The following ENAH variants were observed in gnomAD, a reference collection of about 807,000 sequenced individuals.
ENAH encodes the protein protein enabled homolog.
A neutral mutation model predicts 78.7 loss-of-function variants in ENAH; 23 were observed. The observed-to-expected ratio is 0.29, with a 90% CI of 0.21 to 0.41. ENAH has a LOEUF of 0.41. ENAH is among the 10% of genes least tolerant of loss of function. The pLI is 1.00. For synonymous variants in ENAH, 226 were observed against 241.0 expected (o/e 0.94, Z 0.58); for missense variants, 544 against 691.0 (o/e 0.79, Z 2.39).
At chr1:225,620,295 C>G (rs1371867166) in intron 1 of ENAH, among the ~76,000 whole-genome samples, 1 of 150,734 alleles carries the variant, frequency 6.6e-6, no homozygotes. Context: ...TGGGAGGCCG[C>G]GGCAGGTAGA....
chr1:225,550,837 G>A (rs2096637680), intron 3 of ENAH, among the ~76,000 whole-genome samples: 1 of 152,122 alleles, frequency 6.6e-6, no homozygotes, highest in South Asian at 2.1e-4. Flanking sequence ...CATCTTGGCT[G>A]AGAACAAAAG....
intron 5 of ENAH, 102 bp from the exon 6 acceptor site, chr1:225,517,408 G>A: frequency 6.4e-7 from 1 of 1,551,828 alleles, no homozygotes; most frequent in Non-Finnish European, 8.7e-7. Context: ...TGAGAGTGAT[G>A]CGAGGGAAGG....
chr1:225,594,986 C>T (rs2096895317), intron 1 of ENAH, among the ~76,000 whole-genome samples: 1 of 152,134 alleles, frequency 6.6e-6, no homozygotes, highest in African/African-American at 2.4e-5. Flanking sequence ...TTGGGAGCAA[C>T]TCAATCTTAA....
At chr1:225,594,381 T>C (rs937227868) in intron 1 of ENAH, among the ~76,000 whole-genome samples, 5 of 152,192 alleles carry the variant, frequency 3.3e-5, no homozygotes, top group African/African-American at 9.6e-5. Context: ...CTATTCCTGA[T>C]TGTCAAATAA....
rs538738330 is a variant in ENAH, at chr1:225,531,587, TA to T, written c.350-950del. Among the ~76,000 whole-genome samples the T allele has an allele frequency of 7.9e-5, 12 of 152,200 alleles. No homozygotes were observed. In the South Asian group the frequency reaches 2.5e-3, roughly 32 times the overall value. On this transcript the variant is annotated intron_variant, in intron 3 of 13. Coordinates refer to ENST00000366843, the MANE Select transcript of ENAH (RefSeq NM_018212.6). The stretch of plus-strand genomic sequence containing the variant: ...CCACTCTTGGAGAAGAATATATGAG[TA>T]ATGACACACTACATATATTTGTGAA...
At position 225,495,095 on chromosome 1, in the gene ENAH, G is replaced by A. The variant is rs2096243214; in HGVS notation, c.*2680C>T. On this transcript the variant is annotated 3_prime_UTR_variant, in exon 14 of 14. Coordinates refer to ENST00000366843, the MANE Select transcript of ENAH (RefSeq NM_018212.6). ...GCACTAAGATTTGTACATTCAGTTT[G>A]TTTGCAATTGACTTGTGAGCCATTT... 1 of 152,584 alleles carries A rather than the reference G, an allele frequency of 6.6e-6. No homozygotes were observed. The highest frequency in any genetic ancestry group is 1.5e-5 in the Non-Finnish European group (1 of 68,020). The allele number at this position is 152,584 out of a possible 1,614,324, so 9.5% of individuals were successfully genotyped here. A position where few individuals can be genotyped will look rare whatever the true frequency, so the allele number is the denominator to read the frequency against.
chr1:225,623,059 T>A (rs1471976161), intron 1 of ENAH, among the ~76,000 whole-genome samples: 1 of 152,162 alleles, frequency 6.6e-6, no homozygotes, highest in Admixed American at 6.5e-5. Flanking sequence ...GGGGAACTTT[T>A]TATTACAGAA....
At chr1:225,627,437 G>T (rs1017363708) in intron 1 of ENAH, among the ~76,000 whole-genome samples, 1 of 152,132 alleles carries the variant, frequency 6.6e-6, no homozygotes, top group Non-Finnish European at 1.5e-5. Context: ...AAAATGAAAA[G>T]GGAGGAAAGG....
intron 3 of ENAH, among the ~76,000 whole-genome samples, chr1:225,546,415 T>C (rs2096614104): frequency 6.6e-6 from 1 of 152,144 alleles, no homozygotes. Context: ...TGTTCCTGTG[T>C]GTAAATGGGG....
chr1:225,529,217 T>G (rs142350379), intron 4 of ENAH, among the ~76,000 whole-genome samples: 27 of 152,328 alleles, frequency 1.8e-4, no homozygotes, highest in Admixed American at 1.2e-3. Flanking sequence ...TTCTTCACAG[T>G]AGCCTGCAAG....
chr1:225,539,802 C>CTT (rs2096580661), intron 3 of ENAH, among the ~76,000 whole-genome samples: 1 of 152,182 alleles, frequency 6.6e-6, no homozygotes, highest in African/African-American at 2.4e-5. Flanking sequence ...CATGTGCCTT[C>CTT]TACTTCTAAT....
At chr1:225,623,513 A>T (rs956990097) in intron 1 of ENAH, among the ~76,000 whole-genome samples, 2 of 151,750 alleles carry the variant, frequency 1.3e-5, no homozygotes, top group African/African-American at 4.8e-5. Context: ...GGTACACTGC[A>T]TGATGCTGAG....
intron 2 of ENAH, among the ~76,000 whole-genome samples, chr1:225,562,585 AAAAAAAAAAAAAAAAAAC>A (rs2096712870): frequency 6.7e-6 from 1 of 148,430 alleles, no homozygotes; most frequent in African/African-American, 2.5e-5. Flanking sequence ...AAAAAAAAAA[AAAAAAAAAAAAAAAAAAC>A]ACACCCAAGC....
In ENAH at chr1:225,496,738, C is replaced by T. The variant is rs1360662094; in HGVS notation, c.*1037G>A. Reference sequence around the variant, plus strand: ...CACAAAATATTTCTCATTATTTATTCATGCAGGTAACTGAGAAAAAGATAG... The same window carrying T: ...CACAAAATATTTCTCATTATTTATTTATGCAGGTAACTGAGAAAAAGATAG... On this transcript the variant is annotated 3_prime_UTR_variant, in exon 14 of 14. Transcript: ENST00000366843. The T allele has an allele frequency of 6.6e-6, 1 of 152,630 alleles. No individual in the cohort carries two copies. Among genetic ancestry groups the T allele is most frequent in the Admixed American group, 6.5e-5 (1 of 15,282 alleles). 9.5% of individuals were successfully genotyped at this position (152,630 alleles called of 1,614,324 possible).
chr1:225,555,369 T>C (rs932552904), intron 2 of ENAH, among the ~76,000 whole-genome samples: 1 of 152,094 alleles, frequency 6.6e-6, no homozygotes, highest in Non-Finnish European at 1.5e-5. Flanking sequence ...GATCATGAGG[T>C]CAGGAGATTG....
At chr1:225,612,123 T>C (rs1455973978) in intron 1 of ENAH, among the ~76,000 whole-genome samples, 1 of 152,158 alleles carries the variant, frequency 6.6e-6, no homozygotes, top group Non-Finnish European at 1.5e-5. Flanking sequence ...ATTCAAATAC[T>C]TATACATAAA....
intron 1 of ENAH, among the ~76,000 whole-genome samples, chr1:225,601,523 CA>C (rs60046874): frequency 0.12 from 11,222 of 93,502 alleles, 514 homozygotes; most frequent in Middle Eastern, 0.19. Context: ...ATCTCCCCGC[CA>C]AAAAAAAAAA....
intron 1 of ENAH, among the ~76,000 whole-genome samples, chr1:225,626,426 G>A (rs1017018167): frequency 3.9e-5 from 6 of 152,216 alleles, no homozygotes; most frequent in African/African-American, 1.4e-4. Flanking sequence ...GCCTTTGGGA[G>A]GTGAATAGGT....
At position 225,574,900 on chromosome 1, in the gene ENAH, C is replaced by CA. The variant is rs1160881680; in HGVS notation, c.6-7487dup. 5.8e-3 allele frequency among the ~76,000 whole-genome samples: 9 copies of CA among 1,546 alleles called. 3 individuals carry two copies. Among genetic ancestry groups the CA allele is most frequent in the Admixed American group, 0.022 (2 of 92 alleles). The allele number at this position is 1,546 out of a possible 152,430, so 1.0% of individuals were successfully genotyped here. A position where few individuals can be genotyped will look rare whatever the true frequency, so the allele number is the denominator to read the frequency against. On this transcript the variant is annotated intron_variant, in intron 1 of 13. Transcript: ENST00000366843. ...TGGGCGACAGAGCGAGACTCCGTCTCAAAAAAAAAAAAAAAAAAAATATAT... is the reference window on the plus strand; with the variant it reads ...TGGGCGACAGAGCGAGACTCCGTCTCAAAAAAAAAAAAAAAAAAAAATATAT...
Sources: gnomAD v4.1 joint callset for allele counts (sites outside exome capture counted in the v4.1 genomes callset) on GRCh38, gnomAD v4.1.1 for gene constraint, MANE v1.5 for transcripts, NCBI Gene and HGNC (gene_info 2026-07-23, HGNC 2026-07-21) for gene names.